Variants in SERPINF1 observed in about 807,000 individuals in gnomAD.
The protein encoded by SERPINF1 is serpin family F member 1.
In SERPINF1, 29 loss-of-function variants were observed where a neutral mutation model predicts 37.3. The ratio of observed to expected loss-of-function variants is 0.78; its 90% CI spans 0.58 to 1.06. SERPINF1 has a LOEUF of 1.06. SERPINF1 is among the 50% of genes least tolerant of loss of function. SERPINF1 has a pLI of 0.00. For missense variants in SERPINF1, 553 were observed against 532.2 expected, an observed-to-expected ratio of 1.04 and a Z score of -0.38; for synonymous variants, 281 against 227.9, an observed-to-expected ratio of 1.23 and a Z score of -2.10.
At chr17:1,772,581 C>G (rs1041501798) in intron 5 of SERPINF1, among the ~76,000 whole-genome samples, 4 of 133,760 alleles carry the variant, frequency 3.0e-5, no homozygotes, top group African/African-American at 1.1e-4. Flanking sequence ...TTTTTTGAGA[C>G]AGAGTCTTGC....
intron 7 of SERPINF1, 53 bp downstream of exon 7, chr17:1,776,795 C>CT: frequency 6.5e-7 from 1 of 1,541,624 alleles, no homozygotes; most frequent in African/African-American, 1.4e-5. Flanking sequence ...GGGGCAGGGT[C>CT]TTTGGGCCTT....
intron 1 of SERPINF1, among the ~76,000 whole-genome samples, chr17:1,764,336 C>T (rs924791706): frequency 1.3e-5 from 2 of 152,242 alleles, no homozygotes; most frequent in Admixed American, 6.5e-5. Context: ...TGCAGAGGCT[C>T]AGGGGAGGCA....
At chr17:1,773,786 G>T (rs753775776) in intron 5 of SERPINF1, among the ~76,000 whole-genome samples, 2 of 152,154 alleles carry the variant, frequency 1.3e-5, no homozygotes, top group South Asian at 2.1e-4. Flanking sequence ...CTTGTTCCAC[G>T]GGTCTTGTGT....
chr17:1,765,539 C>T lies in SERPINF1; in HGVS notation c.-8-1364C>T, dbSNP rs529610407. Among the ~76,000 whole-genome samples, 3 of 152,100 alleles carry T rather than the reference C, an allele frequency of 2.0e-5. No homozygotes were observed. The South Asian group carries it at 6.2e-4, about 32-fold the overall frequency. ...GTTTCACCATGTTGGCCAGGCTGGT[C>T]TCGAACTCCTGACCTCAGGCTATCC... is the stretch of plus-strand genomic sequence containing the variant. On this transcript the variant is annotated intron_variant, in intron 1 of 7. Transcript: ENST00000254722.
chr17:1,770,082 G>A, intron 3 of SERPINF1, 32 bp downstream of exon 3: 1 of 1,610,874 alleles, frequency 6.2e-7, no homozygotes, highest in South Asian at 1.1e-5. Context: ...GCCCCAGGCA[G>A]ACCTGGAGAG....
At chr17:1,771,846 C>T (rs774770386) in intron 4 of SERPINF1, 26 bp from the exon 5 acceptor site, 10 of 1,605,766 alleles carry the variant, frequency 6.2e-6, no homozygotes, top group Non-Finnish European at 7.6e-6. Context: ...GTCTCATACG[C>T]TAACCTCTGC....
At chr17:1,768,031 CT>C (rs1567753199) in intron 2 of SERPINF1, among the ~76,000 whole-genome samples, 1 of 151,904 alleles carries the variant, frequency 6.6e-6, no homozygotes, top group African/African-American at 2.4e-5. Flanking sequence ...AGTGAGACCC[CT>C]GTCTCTACAA....
intron 4 of SERPINF1, 114 bp from the exon 5 acceptor site, chr17:1,771,758 T>G: frequency 1.0e-6 from 1 of 975,994 alleles, no homozygotes; most frequent in Non-Finnish European, 1.6e-6. Context: ...AGATGCTGGC[T>G]GGGAAGTCAG....
Position 1,772,010 on chromosome 17 carries a change from C to A in SERPINF1, c.578C>A (p.Ala193Asp). The part of the protein sequence containing the change: ...WVQAQMKGKL[A>D]RSTKEIPDEI... ...CAGGCGCAGATGAAAGGGAAGCTCG[C>A]CAGGTCCACAAAGGAAATTCCCGAT... Residue 193 changes from alanine (A) to aspartate (D), a missense_variant, in exon 5 of 8, where the codon GCC becomes GAC. Transcript: ENST00000254722. 5.0e-6 allele frequency: 8 copies of A among 1,613,912 alleles called. No individual in the cohort carries two copies. The highest frequency in any genetic ancestry group is 6.8e-6 in the Non-Finnish European group (8 of 1,180,000).
At chr17:1,773,074 G>C (rs939819740) in intron 5 of SERPINF1, among the ~76,000 whole-genome samples, 1 of 152,172 alleles carries the variant, frequency 6.6e-6, no homozygotes, top group African/African-American at 2.4e-5. Context: ...GGTCACAGCT[G>C]GGGGAGGATC....
At position 1,777,284 on chromosome 17, in the gene SERPINF1, C is replaced by T. The variant is rs565464856; in HGVS notation, c.1095C>T (p.Asn365=). 37 of 1,614,056 alleles carry T rather than the reference C, an allele frequency of 2.3e-5. No individual in the cohort carries two copies. In the South Asian group the frequency reaches 2.4e-4, roughly 11 times the overall value. The change falls in exon 8 of 8, where the codon AAC becomes AAT. Residue 365 remains asparagine, a synonymous_variant. Coordinates refer to ENST00000254722, the MANE Select transcript of SERPINF1 (RefSeq NM_002615.7). ...AACACCGGGCTGGCTTTGAGTGGAA[C>T]GAGGATGGGGCGGGAACCACCCCCA... is the stretch of plus-strand genomic sequence containing the variant. ...QVEHRAGFEW[N]EDGAGTTPSP... is the part of the protein sequence containing the mutation.
chr17:1,775,177 T>C lies in SERPINF1; in HGVS notation c.763T>C (p.Leu255=). 6.2e-7 allele frequency: 1 copy of C among 1,613,956 alleles called. No homozygotes were observed. The highest frequency in any genetic ancestry group is 8.5e-7 in the Non-Finnish European group (1 of 1,179,986). ...CCCTAAGGCTGTTTTACGCTATGGC[T>C]TGGATTCAGATCTCAGCTGCAAGGT... ...SDPKAVLRYG[L]DSDLSCKIAQ... The change falls in exon 6 of 8, where the codon TTG becomes CTG. Residue 255 remains leucine (L), a synonymous_variant. Coordinates refer to ENST00000254722, the MANE Select transcript of SERPINF1 (RefSeq NM_002615.7).
At chr17:1,776,998 T>G (rs534808239) in intron 7 of SERPINF1, among the ~76,000 whole-genome samples, 189 bp from the exon 8 acceptor site, 30 of 151,668 alleles carry the variant, frequency 2.0e-4, no homozygotes, top group African/African-American at 7.3e-4. Flanking sequence ...TCTGACCTGT[T>G]TTCTCATCTT....
intron 5 of SERPINF1, among the ~76,000 whole-genome samples, chr17:1,774,352 C>T (rs1466832370): frequency 6.6e-6 from 1 of 152,182 alleles, no homozygotes; most frequent in Admixed American, 6.5e-5. Context: ...CCCACCACTG[C>T]ACCCGGCTAG....
intron 3 of SERPINF1, 140 bp from the exon 4 acceptor site, chr17:1,770,889 C>T (rs1415725171): frequency 1.4e-5 from 15 of 1,069,574 alleles, no homozygotes; most frequent in Non-Finnish European, 2.2e-5. Context: ...ATTCCTTGGC[C>T]ACCTAGATTG....
chr17:1,771,720 C>A, intron 4 of SERPINF1, 152 bp from the exon 5 acceptor site: 1 of 752,838 alleles, frequency 1.3e-6, no homozygotes, highest in Non-Finnish European at 2.3e-6. Flanking sequence ...CCTGGGGATG[C>A]CAGCAGAAGT....
Position 1,777,397 on chromosome 17 carries a change from C to G in SERPINF1, c.1208C>G (p.Thr403Arg), listed in dbSNP as rs1237431839. The change falls in exon 8 of 8, where the codon ACA becomes AGA. Residue 403 changes from threonine (T) to arginine (R), a missense_variant. Transcript: ENST00000254722. ...PFIFVLRDTD[T>R]GALLFIGKIL... ...ATCTTCGTACTGAGGGACACAGACACAGGGGCCCTTCTCTTCATTGGCAAG... is the reference window on the plus strand; with the variant it reads ...ATCTTCGTACTGAGGGACACAGACAGAGGGGCCCTTCTCTTCATTGGCAAG... The G allele has an allele frequency of 5.6e-6, 9 of 1,614,126 alleles. No individual in the cohort carries two copies. The highest frequency in any genetic ancestry group is 2.5e-6 in the Non-Finnish European group (3 of 1,180,022).
chr17:1,768,930 T>C (rs1247694922), intron 2 of SERPINF1, among the ~76,000 whole-genome samples: 7 of 151,920 alleles, frequency 4.6e-5, no homozygotes, highest in Non-Finnish European at 1.0e-4. Flanking sequence ...CTCAGCCTCC[T>C]GAGTAGCTGG....
chr17:1,765,882 AAAAAAAAT>A (rs1329184317), intron 1 of SERPINF1, among the ~76,000 whole-genome samples: 46 of 147,874 alleles, frequency 3.1e-4, no homozygotes, highest in African/African-American at 1.0e-3. Flanking sequence ...AAAAAAAAAA[AAAAAAAAT>A]TTCAAATGTG....
Sources: allele counts gnomAD v4.1 joint callset (sites outside exome capture counted in the v4.1 genomes callset), GRCh38; gene constraint gnomAD v4.1.1; transcripts MANE v1.5; gene names NCBI Gene and HGNC (gene_info 2026-07-23, HGNC 2026-07-21).